MEGF10: variants seen among roughly 807,000 people sequenced by gnomAD.
MEGF10 encodes multiple epidermal growth factor-like domains protein 10.
MEGF10 carries 86 observed loss-of-function variants against 147.5 expected under a neutral mutation model. The ratio of observed to expected loss-of-function variants is 0.58; its 90% confidence interval spans 0.49 to 0.70. The LOEUF (loss-of-function observed/expected upper bound fraction) is 0.70, where lower values mean the gene tolerates loss of function less well. Ranked by LOEUF, MEGF10 falls within the 30% of genes least tolerant of loss-of-function variation. MEGF10 has a pLI of 0.00. For synonymous variants in MEGF10, 478 were observed against 525.5 expected (o/e 0.91, Z 1.24); for missense variants, 1,329 against 1,487.3 (o/e 0.89, Z 1.75).
At chr5:127,316,028 C>A (rs1051201354) in intron 1 of MEGF10, among the ~76,000 whole-genome samples, 1 of 152,174 alleles carries the variant, frequency 6.6e-6, no homozygotes, top group Non-Finnish European at 1.5e-5. Context: ...GGTCCCTGTA[C>A]CAGGCCCACA....
chr5:127,420,255 T>A, intron 12 of MEGF10, 48 bp downstream of exon 12: 1 of 1,580,712 alleles, frequency 6.3e-7, no homozygotes. Context: ...GAGGAACTGA[T>A]GTTGTAAAGT....
chr5:127,363,457 G>A (rs1387040467), intron 4 of MEGF10, among the ~76,000 whole-genome samples: 1 of 152,152 alleles, frequency 6.6e-6, no homozygotes, highest in African/African-American at 2.4e-5. Context: ...ATTCAGCCAT[G>A]TCTTCACACC....
chr5:127,366,614 G>A (rs374939286), intron 4 of MEGF10, among the ~76,000 whole-genome samples: 9 of 152,206 alleles, frequency 5.9e-5, no homozygotes, highest in South Asian at 4.1e-4. Context: ...TGCTAATGAC[G>A]CATCCACATT....
intron 4 of MEGF10, among the ~76,000 whole-genome samples, chr5:127,345,777 G>C (rs897754829): frequency 7.9e-5 from 12 of 152,110 alleles, no homozygotes; most frequent in Admixed American, 6.6e-4. Flanking sequence ...CGAATTCTGA[G>C]ATTTTGGTGC....
At chr5:127,453,984 G>T (rs1225917773) in intron 22 of MEGF10, among the ~76,000 whole-genome samples, 1 of 152,122 alleles carries the variant, frequency 6.6e-6, no homozygotes, top group African/African-American at 2.4e-5. Context: ...CAATGAGAAA[G>T]CAGGTTTTTT....
chr5:127,247,101 G>C, the MEGF10 span, among the ~76,000 whole-genome samples: 73 of 140,284 alleles, frequency 5.2e-4, no homozygotes, highest in African/African-American at 1.9e-3. Context: ...AAGCATGATA[G>C]TTTTCAGCTT....
the MEGF10 span, among the ~76,000 whole-genome samples, chr5:127,276,717 C>A: frequency 6.6e-6 from 1 of 152,134 alleles, no homozygotes. Flanking sequence ...TACATCAGTA[C>A]ACAAAATAGG....
chr5:127,250,164 G>T, the MEGF10 span, among the ~76,000 whole-genome samples: 15 of 151,730 alleles, frequency 9.9e-5, no homozygotes, highest in Non-Finnish European at 2.1e-4. Context: ...TGTTAATATT[G>T]GGCAAAATAG....
intron 5 of MEGF10, among the ~76,000 whole-genome samples, chr5:127,377,924 T>C (rs900511675): frequency 1.3e-5 from 2 of 152,170 alleles, no homozygotes; most frequent in African/African-American, 4.8e-5. Context: ...AGGGTCAGGC[T>C]GATGATGATA....
In MEGF10 at chr5:127,352,415, A is replaced by C. The variant is rs148901486; in HGVS notation, c.319+11785A>C. ...GGTGGCTCACTCCTGTAATCCTAGC[A>C]TTTTGGGAGGCCGAGGCAGGCAGAT... On this transcript the variant is annotated intron_variant, in intron 4 of 24. Transcript: ENST00000503335. 2.5e-3 allele frequency among the ~76,000 whole-genome samples: 377 copies of C among 152,288 alleles called. 5 individuals are homozygous for C. In the East Asian group the frequency reaches 0.057, roughly 23 times the overall value.
chr5:127,438,618 G>A, intron 17 of MEGF10, 51 bp downstream of exon 17: 1 of 1,602,300 alleles, frequency 6.2e-7, no homozygotes, highest in Non-Finnish European at 8.5e-7. Context: ...GTCCAAGGAG[G>A]AAACAGCCTT....
At chr5:127,373,178 A>C (rs980721327) in intron 5 of MEGF10, among the ~76,000 whole-genome samples, 2 of 152,074 alleles carry the variant, frequency 1.3e-5, no homozygotes, top group African/African-American at 4.8e-5. Context: ...TTTAGACTAG[A>C]GTCTCGCTCT....
intron 1 of MEGF10, among the ~76,000 whole-genome samples, chr5:127,311,614 C>T (rs1331276011): frequency 6.6e-6 from 1 of 152,158 alleles, no homozygotes; most frequent in Non-Finnish European, 1.5e-5. Flanking sequence ...GCTGCCTGCA[C>T]AGTAACTTGA....
At chr5:127,243,451 T>G in the MEGF10 span, among the ~76,000 whole-genome samples, 1 of 152,334 alleles carries the variant, frequency 6.6e-6, no homozygotes, top group East Asian at 1.9e-4. Context: ...ACTTTCCTAT[T>G]TCTCTGTAAG....
At chr5:127,424,612 G>T (rs1384170936) in intron 13 of MEGF10, 1 of 1,280,642 alleles carries the variant, frequency 7.8e-7, no homozygotes, top group East Asian at 3.3e-5. Flanking sequence ...TCATGTGCTT[G>T]ATTTCTAGTG....
chr5:127,387,611 T>C (rs1191776848), intron 5 of MEGF10, among the ~76,000 whole-genome samples: 1 of 152,230 alleles, frequency 6.6e-6, no homozygotes, highest in East Asian at 1.9e-4. Flanking sequence ...TAAGGGATGA[T>C]TGCAGCTTTG....
rs780877446 is a variant in MEGF10, at chr5:127,445,555, A to G, written c.2590A>G (p.Ile864Val). ...YQIGAIAGII[I>V]LVLVVLFLLA... ...GATCGGGGCCATTGCAGGCATCATC[A>G]TTCTTGTCCTAGTTGTTCTCTTCCT... is the stretch of plus-strand genomic sequence containing the variant. Residue 864 changes from isoleucine to valine, a missense_variant, in exon 20 of 25, where the codon ATT becomes GTT. Around this residue, in one of 3 missense-constraint regions of MEGF10, gnomAD observed 343 missense variants for 377.9 expected, o/e 0.91. Transcript: ENST00000503335. 9 of 1,614,086 alleles carry G rather than the reference A, an allele frequency of 5.6e-6. No homozygotes were observed. In the Admixed American group the frequency reaches 1.5e-4, roughly 27 times the overall value.
At chr5:127,312,168 A>T (rs985628282) in intron 1 of MEGF10, among the ~76,000 whole-genome samples, 4 of 152,112 alleles carry the variant, frequency 2.6e-5, no homozygotes, top group Admixed American at 2.6e-4. Context: ...AAGGAGGGAG[A>T]GAAGGCAAAG....
At chr5:127,265,894 T>G in the MEGF10 span, among the ~76,000 whole-genome samples, 5 of 152,240 alleles carry the variant, frequency 3.3e-5, no homozygotes, top group African/African-American at 9.6e-5. Context: ...GATGGTAGTT[T>G]CTTTTGCTGT....
Sources: gnomAD v4.1 joint callset for allele counts (sites outside exome capture counted in the v4.1 genomes callset) on GRCh38, gnomAD v4.1.1 for gene constraint, gnomAD v4.1.1 regional missense constraint, MANE v1.5 for transcripts, NCBI Gene and HGNC (gene_info 2026-07-23, HGNC 2026-07-21) for gene names.